ASB13: variants seen among roughly 807,000 people sequenced by gnomAD.
The protein encoded by ASB13 is ankyrin repeat and SOCS box containing 13.
A neutral mutation model predicts 28.8 loss-of-function variants in ASB13; 33 were observed. The observed-to-expected ratio is 1.15, with a 90% confidence interval of 0.87 to 1.53. ASB13 has a LOEUF of 1.53. ASB13 is among the 40% of genes most tolerant of loss of function. The probability of loss-of-function intolerance (pLI) is 0.00; values close to 1 mark genes in which losing one functional copy is unlikely to be tolerated. For synonymous variants in ASB13, 182 were observed against 172.9 expected (o/e 1.05, Z -0.41); for missense variants, 414 against 390.1 (o/e 1.06, Z -0.52).
At position 5,659,957 on chromosome 10, in the gene ASB13, G is replaced by A. The variant is rs186972904; in HGVS notation, c.43+6552C>T. On this transcript the variant is annotated intron_variant, in intron 1 of 5. Coordinates refer to ENST00000357700, the MANE Select transcript of ASB13 (RefSeq NM_024701.4). The surrounding 1 kb of genome is among the most constrained non-coding windows in gnomAD (Gnocchi z 5.8). ...GCTTGCACACTCTGGCCAAGCGGGG[G>A]CTCGTGCATCCATTAAATGAAGAAC... 6.6e-6 allele frequency among the ~76,000 whole-genome samples: 1 copy of A among 152,192 alleles called. No individual in the cohort carries two copies. The highest frequency in any genetic ancestry group is 2.1e-4 in the South Asian group (1 of 4,824).
At position 5,642,650 on chromosome 10, in the gene ASB13, T is replaced by TG; in HGVS notation, c.518-690dup. On this transcript the variant is annotated intron_variant, in intron 4 of 5. Coordinates refer to ENST00000357700, the MANE Select transcript of ASB13 (RefSeq NM_024701.4). The surrounding 1 kb of genome is among the most constrained non-coding windows in gnomAD (Gnocchi z 4.1). ...ATTAGTAGCTAAATATGGCTGGTTT[T>TG]GGGTTTTTTTTTTTGAGACAGAGTC... is the stretch of plus-strand genomic sequence containing the variant. 1 of 447,210 alleles carries TG rather than the reference T, an allele frequency of 2.2e-6. No individual in the cohort carries two copies. Among genetic ancestry groups the TG allele is most frequent in the South Asian group, 2.1e-5 (1 of 47,090 alleles). 27.7% of individuals were successfully genotyped at this position (447,210 alleles called of 1,614,324 possible).
chr10:5,653,153 C>T (rs368308482), intron 1 of ASB13, 103 bp from the exon 2 acceptor site: 46 of 1,163,116 alleles, frequency 4.0e-5, no homozygotes, highest in African/African-American at 3.3e-4. Context: ...AGGCACCATC[C>T]GTGATCATGC....
At chr10:5,646,088 C>G (rs980742022) in intron 4 of ASB13, among the ~76,000 whole-genome samples, 7 of 152,172 alleles carry the variant, frequency 4.6e-5, no homozygotes, top group Admixed American at 6.5e-5. Context: ...TGTGCGGAGG[C>G]TTCCCCAAGA....
rs1012814298 is a variant in ASB13 at position 5,659,550 on chromosome 10, C to A, written c.44-6500G>T. ...CATGCTTTGCGTATGCTGTTCCTTC[C>A]CCTGCCTGGAAAGCTCTTCTCAGCC... On this transcript the variant is annotated intron_variant, in intron 1 of 5. Coordinates refer to ENST00000357700, the MANE Select transcript of ASB13 (RefSeq NM_024701.4). This position sits in a 1 kb window ranked among gnomAD's most constrained non-coding sequence, Gnocchi z 5.8. Among the ~76,000 whole-genome samples, 1 of 152,190 alleles carries A rather than the reference C, an allele frequency of 6.6e-6. No individual in the cohort carries two copies. The highest frequency in any genetic ancestry group is 2.4e-5 in the African/African-American group (1 of 41,440).
chr10:5,641,895 A>AC lies in ASB13; in HGVS notation c.583dup (p.Val195GlyfsTer2). The stretch of plus-strand genomic sequence containing the variant: ...CTCGATAAGCATCTCGATGAGGTCA[A>AC]CATTCTTGACCTTGGCCGCGTGGTG... On this transcript the variant is annotated frameshift_variant, in exon 5 of 6. Transcript: ENST00000357700. LOFTEE classifies it high-confidence loss of function. This position sits in a 1 kb window ranked among gnomAD's most constrained non-coding sequence, Gnocchi z 8.4. 1 of 1,614,122 alleles carries AC rather than the reference A, an allele frequency of 6.2e-7. No homozygotes were observed. Among genetic ancestry groups the AC allele is most frequent in the Non-Finnish European group, 8.5e-7 (1 of 1,179,962 alleles).
chr10:5,660,259 T>G lies in ASB13; in HGVS notation c.43+6250A>C, dbSNP rs1008006468. On this transcript the variant is annotated intron_variant, in intron 1 of 5. Coordinates refer to ENST00000357700, the MANE Select transcript of ASB13 (RefSeq NM_024701.4). The surrounding 1 kb of genome is among the most constrained non-coding windows in gnomAD (Gnocchi z 6.1). ...AAGGAATGACACGTGCTTCAGAACG[T>G]TCTCTCCACTCTTCCACCCACGATA... 1.3e-5 allele frequency among the ~76,000 whole-genome samples: 2 copies of G among 152,206 alleles called. No homozygotes were observed. Among genetic ancestry groups the G allele is most frequent in the African/African-American group, 2.4e-5 (1 of 41,460 alleles).
rs1487246624 is a variant in ASB13 at position 5,660,024 on chromosome 10, A to G, written c.43+6485T>C. On this transcript the variant is annotated intron_variant, in intron 1 of 5. Coordinates refer to ENST00000357700, the MANE Select transcript of ASB13 (RefSeq NM_024701.4). This position sits in a 1 kb window ranked among gnomAD's most constrained non-coding sequence, Gnocchi z 6.1. The stretch of plus-strand genomic sequence containing the variant: ...GCCAAGGCTGCAGCCCTGGTGACTC[A>G]TGACCCAGTCCTGATGGCTGGATTC... 1.3e-5 allele frequency among the ~76,000 whole-genome samples: 2 copies of G among 152,132 alleles called. No individual in the cohort carries two copies. Among genetic ancestry groups the G allele is most frequent in the South Asian group, 2.1e-4 (1 of 4,826 alleles).
rs1190605507 is a variant in ASB13, at chr10:5,664,337, T to C, written c.43+2172A>G. 5.4e-5 allele frequency among the ~76,000 whole-genome samples: 8 copies of C among 147,498 alleles called. No individual in the cohort carries two copies. The highest frequency in any genetic ancestry group is 2.2e-4 in the South Asian group (1 of 4,446). ...CAGGAGAGAGAGAACACAGGACTCATTGCTTACCTGAGGGGCCTAAGAAGA... is the reference window on the plus strand; with the variant it reads ...CAGGAGAGAGAGAACACAGGACTCACTGCTTACCTGAGGGGCCTAAGAAGA... On this transcript the variant is annotated intron_variant, in intron 1 of 5. Transcript: ENST00000357700. The surrounding 1 kb of genome is among the most constrained non-coding windows in gnomAD (Gnocchi z 4.2).
Position 5,659,233 on chromosome 10 carries a change from G to A in ASB13, c.44-6183C>T, listed in dbSNP as rs774007881. Among the ~76,000 whole-genome samples the A allele has an allele frequency of 9.9e-5, 15 of 152,126 alleles. No individual in the cohort carries two copies. Among genetic ancestry groups the A allele is most frequent in the Admixed American group, 2.6e-4 (4 of 15,294 alleles). On this transcript the variant is annotated intron_variant, in intron 1 of 5. Transcript: ENST00000357700. This position sits in a 1 kb window ranked among gnomAD's most constrained non-coding sequence, Gnocchi z 5.8. Reference sequence around the variant, plus strand: ...TGGCGGAGCACCGCCTTGGAAACCCGAGACTCCATGCCGTGCTGGCGAGTT... The same window carrying A: ...TGGCGGAGCACCGCCTTGGAAACCCAAGACTCCATGCCGTGCTGGCGAGTT...
In ASB13 at chr10:5,645,923, A is replaced by G. The variant is rs1043521405; in HGVS notation, c.517+3047T>C. ...CTCTGTATGTTTGAAATTTTCCGCA[A>G]TGAAAAAATGGTTTCTAAGAAGAAG... On this transcript the variant is annotated intron_variant, in intron 4 of 5. Coordinates refer to ENST00000357700, the MANE Select transcript of ASB13 (RefSeq NM_024701.4). The surrounding 1 kb of genome is among the most constrained non-coding windows in gnomAD (Gnocchi z 5.4). 3.9e-5 allele frequency among the ~76,000 whole-genome samples: 6 copies of G among 152,140 alleles called. No homozygotes were observed. Among genetic ancestry groups the G allele is most frequent in the African/African-American group, 9.7e-5 (4 of 41,440 alleles).
chr10:5,657,328 A>T (rs1835088732), intron 1 of ASB13, among the ~76,000 whole-genome samples: 1 of 152,190 alleles, frequency 6.6e-6, no homozygotes, highest in Admixed American at 6.5e-5. Flanking sequence ...CTGCAACTCA[A>T]AAACAAAAAA....
intron 4 of ASB13, among the ~76,000 whole-genome samples, chr10:5,647,951 C>T (rs1196848115): frequency 1.3e-5 from 2 of 151,948 alleles, no homozygotes; most frequent in African/African-American, 4.8e-5. Flanking sequence ...TCCATAAATA[C>T]ACACTCTGCA....
rs1430155862 is a variant in ASB13, at chr10:5,648,358, G to T, written c.517+612C>A. Among the ~76,000 whole-genome samples, 111 of 77,332 alleles carry T rather than the reference G, an allele frequency of 1.4e-3. 25 individuals carry two copies. Among genetic ancestry groups the T allele is most frequent in the Non-Finnish European group, 2.0e-3 (70 of 34,312 alleles). 50.7% of individuals were successfully genotyped at this position (77,332 alleles called of 152,430 possible). A position where few individuals can be genotyped will look rare whatever the true frequency, so the allele number is the denominator to read the frequency against. On this transcript the variant is annotated intron_variant, in intron 4 of 5. Coordinates refer to ENST00000357700, the MANE Select transcript of ASB13 (RefSeq NM_024701.4). ...AAACACCCACGTGGGCAACACCCAC[G>T]GGGGTAAACACCCATGCAGGCAAAC...
Position 5,666,494 on chromosome 10 carries a change from G to T in ASB13, c.43+15C>A. 7.7e-7 allele frequency: 1 copy of T among 1,295,968 alleles called. No individual in the cohort carries two copies. Among genetic ancestry groups the T allele is most frequent in the South Asian group, 2.1e-5 (1 of 46,748 alleles). 80.3% of individuals were successfully genotyped at this position (1,295,968 alleles called of 1,614,324 possible). A position where few individuals can be genotyped will look rare whatever the true frequency, so the allele number is the denominator to read the frequency against. On this transcript the variant is annotated intron_variant, in intron 1 of 5. Coordinates refer to ENST00000357700, the MANE Select transcript of ASB13 (RefSeq NM_024701.4). ...GCCGCTGCCTCGCTCTGACCTCCGC[G>T]GCGCCCGCACGTACCCACGTCGCCC...
At chr10:5,647,126 G>A (rs1384964381) in intron 4 of ASB13, among the ~76,000 whole-genome samples, 1 of 152,132 alleles carries the variant, frequency 6.6e-6, no homozygotes, top group African/African-American at 2.4e-5. Flanking sequence ...TCCCAAACAG[G>A]TTTGTTCTTG....
In ASB13 at chr10:5,652,909, T is replaced by C. The variant is rs1210186470; in HGVS notation, c.185A>G (p.Gln62Arg). Residue 62 changes from glutamine (Q) to arginine (R), a missense_variant, in exon 2 of 6, where the codon CAG becomes CGG. Physicochemically the swap from Gln to Arg is conservative, Grantham distance 43 (BLOSUM62 1). Transcript: ENST00000357700. The surrounding 1 kb of genome is among the most constrained non-coding windows in gnomAD (Gnocchi z 5.0). ...SITPLHAASL[Q>R]GQARCVQLLL... is the part of the protein sequence containing the mutation. ...CAGCTGCACACACCGCGCCTGGCCC[T>C]GCAGACTGGCTGCGTGCAGGGGCGT... 9 of 1,584,812 alleles carry C rather than the reference T, an allele frequency of 5.7e-6. No homozygotes were observed. Among genetic ancestry groups the C allele is most frequent in the African/African-American group, 1.3e-5 (1 of 74,600 alleles).
In ASB13 at chr10:5,663,864, C is replaced by G. The variant is rs1835212235; in HGVS notation, c.43+2645G>C. 6.6e-6 allele frequency among the ~76,000 whole-genome samples: 1 copy of G among 152,128 alleles called. No homozygotes were observed. The highest frequency in any genetic ancestry group is 2.4e-5 in the African/African-American group (1 of 41,418). On this transcript the variant is annotated intron_variant, in intron 1 of 5. Transcript: ENST00000357700. This position sits in a 1 kb window ranked among gnomAD's most constrained non-coding sequence, Gnocchi z 4.9. ...CTTTAGAAATGCCCTGGACTGCTAC[C>G]CTAGTGGATTCTCCCTCTCCCCGCT... is the stretch of plus-strand genomic sequence containing the variant.
rs1835264071 is a variant in ASB13, at chr10:5,666,530, C to G, written c.22G>C (p.Gly8Arg). The change falls in exon 1 of 6, where the codon GGC becomes CGC. Residue 8 changes from glycine to arginine, a missense_variant. Coordinates refer to ENST00000357700, the MANE Select transcript of ASB13 (RefSeq NM_024701.4). ...GTACCCACGTCGCCCAGGAAGCAGC[C>G]GTCCGCCGCCCGGGGCTCCATGCGG... is the stretch of plus-strand genomic sequence containing the variant. MEPRAAD[G>R]CFLGDVGFWV... The G allele has an allele frequency of 2.4e-6, 3 of 1,261,188 alleles. No individual in the cohort carries two copies. The highest frequency in any genetic ancestry group is 3.0e-6 in the Non-Finnish European group (3 of 997,968). The allele number at this position is 1,261,188 out of a possible 1,614,324, so 78.1% of individuals were successfully genotyped here.
rs751287028 is a variant in ASB13, at chr10:5,651,277, G to A, written c.318C>T (p.Ser106=). Residue 106 remains serine, a synonymous_variant, in exon 3 of 6, where the codon TCC becomes TCT. Transcript: ENST00000357700. The surrounding 1 kb of genome is among the most constrained non-coding windows in gnomAD (Gnocchi z 5.1). ...GSIECVKLLL[S]YGAKVNPPLY... ...GGGGAGGGTTGACCTTGGCCCCGTA[G>A]GACAGCAAGAGCTTCACACACTCGA... The A allele has an allele frequency of 3.4e-5, 55 of 1,613,964 alleles. No individual in the cohort carries two copies. Among genetic ancestry groups the A allele is most frequent in the Admixed American group, 8.3e-5 (5 of 59,994 alleles).
Sources: gnomAD v4.1 joint callset for allele counts (sites outside exome capture counted in the v4.1 genomes callset) on GRCh38, gnomAD v4.1.1 for gene constraint, Gnocchi (gnomAD v3.1) non-coding constraint, MANE v1.5 for transcripts, NCBI Gene and HGNC (gene_info 2026-07-23, HGNC 2026-07-21) for gene names.